LMO7: variants seen among roughly 807,000 people sequenced by gnomAD.
The protein encoded by LMO7 is LIM domain 7, also known as LIM domain only protein 7.
A neutral mutation model predicts 206.5 loss-of-function variants in LMO7; 120 were observed. That is an observed-to-expected ratio of 0.58 (90% confidence interval 0.50 to 0.68). The LOEUF (loss-of-function observed/expected upper bound fraction) is 0.68, where lower values mean the gene tolerates loss of function less well. Ranked by LOEUF, LMO7 falls within the 30% of genes least tolerant of loss-of-function variation. The pLI is 0.00. For synonymous variants in LMO7, 706 were observed against 681.5 expected, an observed-to-expected ratio of 1.04 and a Z score of -0.56; for missense variants, 1,959 against 1,957.9, an observed-to-expected ratio of 1.00 and a Z score of -0.01.
At position 75,773,795 on chromosome 13, in the gene LMO7, G is replaced by T. The variant is rs73538531; in HGVS notation, c.317+12757G>T. Among the ~76,000 whole-genome samples, 1,045 of 152,294 alleles carry T rather than the reference G, an allele frequency of 6.9e-3. 14 individuals are homozygous for T. Among genetic ancestry groups the T allele is most frequent in the African/African-American group, 0.024 (982 of 41,568 alleles). ...TTAAGTAGAAATAAACACTGGCTTT[G>T]TAGATTTGGGAGGCATCTATGAAGC... On this transcript the variant is annotated intron_variant, in intron 4 of 30. Transcript: ENST00000377534.
chr13:75,787,298 G>A (rs1317057118), intron 4 of LMO7, among the ~76,000 whole-genome samples: 1 of 152,086 alleles, frequency 6.6e-6, no homozygotes, highest in Non-Finnish European at 1.5e-5. Context: ...TAGAAAAGAA[G>A]CATTATAAGT....
intron 4 of LMO7, among the ~76,000 whole-genome samples, chr13:75,776,037 A>G (rs2050321629): frequency 6.7e-6 from 1 of 149,498 alleles, no homozygotes; most frequent in Non-Finnish European, 1.5e-5. Flanking sequence ...GTAAGAGCAA[A>G]GATACAGAAT....
At chr13:75,760,750 G>A in intron 3 of LMO7, 182 bp from the exon 4 acceptor site, 1 of 1,536,368 alleles carries the variant, frequency 6.5e-7, no homozygotes, top group Non-Finnish European at 8.7e-7. Context: ...TGCTCTGGAG[G>A]ACTGAAAGGC....
chr13:75,820,734 C>T (rs1000672199), intron 13 of LMO7, among the ~76,000 whole-genome samples: 2 of 152,148 alleles, frequency 1.3e-5, no homozygotes, highest in African/African-American at 4.8e-5. Flanking sequence ...GTGGCTCATG[C>T]CTGTAATCCC....
intron 29 of LMO7, among the ~76,000 whole-genome samples, 173 bp from the exon 30 acceptor site, chr13:75,856,333 C>T (rs925023853): frequency 1.3e-5 from 2 of 152,134 alleles, no homozygotes; most frequent in Non-Finnish European, 2.9e-5. Context: ...AACATCTTAT[C>T]TGGCGGTCTT....
At chr13:75,854,185 A>T (rs1414151094) in intron 28 of LMO7, among the ~76,000 whole-genome samples, 1 of 152,194 alleles carries the variant, frequency 6.6e-6, no homozygotes, top group East Asian at 1.9e-4. Context: ...TGCTGTTGGC[A>T]TGTACTCCTT....
At chr13:75,647,531 G>A (rs916088844) in intron 1 of LMO7, among the ~76,000 whole-genome samples, 3 of 152,160 alleles carry the variant, frequency 2.0e-5, no homozygotes, top group Non-Finnish European at 1.5e-5. Flanking sequence ...CTTTTCAGCT[G>A]AATACCCTGT....
At chr13:75,713,277 A>G in intron 2 of LMO7, 25 bp downstream of exon 2, 1 of 1,554,548 alleles carries the variant, frequency 6.4e-7, no homozygotes, top group Non-Finnish European at 8.8e-7. Context: ...TATTTAAAAA[A>G]TAATTCAAAA....
chr13:75,683,024 T>C (rs895847812), intron 1 of LMO7, among the ~76,000 whole-genome samples: 2 of 152,164 alleles, frequency 1.3e-5, no homozygotes, highest in Non-Finnish European at 2.9e-5. Flanking sequence ...ATCAGATATG[T>C]TTTGCAAACA....
At chr13:75,824,777 T>C (rs144872359) in intron 15 of LMO7, among the ~76,000 whole-genome samples, 17 of 152,254 alleles carry the variant, frequency 1.1e-4, no homozygotes, top group African/African-American at 3.9e-4. Context: ...ACATTAAGTA[T>C]GTGTATATAT....
chr13:75,725,275 A>C (rs893353055), intron 2 of LMO7, among the ~76,000 whole-genome samples: 44 of 152,206 alleles, frequency 2.9e-4, no homozygotes, highest in African/African-American at 1.0e-3. Context: ...GAAATTTATG[A>C]TACTCTTCCT....
Position 75,840,478 on chromosome 13 carries a change from C to G in LMO7, c.3565C>G (p.Gln1189Glu). 2 of 1,613,636 alleles carry G rather than the reference C, an allele frequency of 1.2e-6. No homozygotes were observed. The highest frequency in any genetic ancestry group is 2.2e-5 in the South Asian group (2 of 91,012). ...RKRQERWQKEQDRLLQEKYQR... is the reference protein window; with the variant it reads ...RKRQERWQKEEDRLLQEKYQR... ...GCGGCAGGAGAGGTGGCAGAAGGAGCAGGACCGCCTACTGCAGGTAGCTCT... is the reference window on the plus strand; with the variant it reads ...GCGGCAGGAGAGGTGGCAGAAGGAGGAGGACCGCCTACTGCAGGTAGCTCT... The change falls in exon 22 of 31, where the codon CAG becomes GAG. Residue 1189 changes from glutamine to glutamate, a missense_variant. By Grantham distance (29) the Gln-to-Glu change is conservative (BLOSUM62 2). Transcript: ENST00000377534.
chr13:75,776,162 G>GATATATATATATATATATATAT (rs58964680), intron 4 of LMO7, among the ~76,000 whole-genome samples: 5 of 36,848 alleles, frequency 1.4e-4, no homozygotes, highest in South Asian at 1.8e-3. Flanking sequence ...ATATATATCG[G>GATATATATATATATATATATAT]ATATATATAT....
intron 1 of LMO7, among the ~76,000 whole-genome samples, chr13:75,698,888 C>T (rs1434860694): frequency 6.6e-6 from 1 of 152,058 alleles, no homozygotes; most frequent in Non-Finnish European, 1.5e-5. Flanking sequence ...AATATATTCA[C>T]AGAATTGCCG....
At chr13:75,793,122 C>G (rs2053534229) in intron 4 of LMO7, among the ~76,000 whole-genome samples, 1 of 152,080 alleles carries the variant, frequency 6.6e-6, no homozygotes, top group African/African-American at 2.4e-5. Flanking sequence ...ATTGATGATT[C>G]TTTTGTGCTT....
In LMO7 at chr13:75,856,537, C is replaced by A. The variant is rs201346648; in HGVS notation, c.4802C>A (p.Ser1601Tyr). Residue 1601 changes from serine (S) to tyrosine (Y), a missense_variant, in exon 30 of 31, where the codon TCT (serine) becomes TAT (tyrosine). Transcript: ENST00000377534. ...GCCTGTGAGTGTGACCTCGGAGGCT[C>A]TTCCTCAGGAGCTGAAGTCAGGATC... Reference protein sequence around the residue: ...CVACECDLGGSSSGAEVRIRN... With the variant: ...CVACECDLGGYSSGAEVRIRN... 1.5e-5 allele frequency: 24 copies of A among 1,611,560 alleles called. No individual in the cohort carries two copies. The Admixed American group carries it at 2.7e-4, about 18-fold the overall frequency.
chr13:75,651,796 C>G (rs1468882586), intron 1 of LMO7, among the ~76,000 whole-genome samples: 3 of 152,112 alleles, frequency 2.0e-5, no homozygotes, highest in African/African-American at 4.8e-5. Flanking sequence ...GTCAAGCATC[C>G]TCTGCTTGTG....
rs117151133 is a variant in LMO7, at chr13:75,804,942, C to T, written c.914+401C>T. 211 of 1,005,068 alleles carry T rather than the reference C, an allele frequency of 2.1e-4. 3 individuals carry two copies. In the East Asian group the frequency reaches 0.019, roughly 88 times the overall value. The allele number at this position is 1,005,068 out of a possible 1,614,324, so 62.3% of individuals were successfully genotyped here. On this transcript the variant is annotated intron_variant, in intron 8 of 30. Transcript: ENST00000377534. ...TGGTTTTGCAAATCCAGCTTCCTCT[C>T]ATGGGGAGGCGTACGGTTTTGAAAG...
chr13:75,770,952 A>G (rs556402155), intron 4 of LMO7, among the ~76,000 whole-genome samples: 1 of 152,148 alleles, frequency 6.6e-6, no homozygotes, highest in Admixed American at 6.5e-5. Context: ...TTCTCCCAGT[A>G]TGTTGTCTAA....
Sources: gnomAD v4.1 joint callset for allele counts (sites outside exome capture counted in the v4.1 genomes callset) on GRCh38, gnomAD v4.1.1 for gene constraint, MANE v1.5 for transcripts, NCBI Gene and HGNC (gene_info 2026-07-23, HGNC 2026-07-21) for gene names.